ANXA2: variants seen among roughly 807,000 people sequenced by gnomAD.
ANXA2 encodes the protein annexin A2.
Under a neutral mutation model 47.3 loss-of-function variants are expected in ANXA2, and 28 were observed. That is an observed-to-expected ratio of 0.59 (90% CI 0.44 to 0.81). The LOEUF is 0.81. ANXA2 is among the 40% of genes least tolerant of loss of function. ANXA2 has a pLI of 0.00. For synonymous variants in ANXA2, 172 were observed against 155.5 expected (o/e 1.11, Z -0.79); for missense variants, 384 against 414.3 (o/e 0.93, Z 0.64).
intron 12 of ANXA2, among the ~76,000 whole-genome samples, chr15:60,348,172 C>T (rs924538550): frequency 1.2e-4 from 19 of 152,118 alleles, no homozygotes; most frequent in Non-Finnish European, 2.6e-4. Flanking sequence ...TAAACATGTG[C>T]CCTAATAAAC....
intron 3 of ANXA2, among the ~76,000 whole-genome samples, chr15:60,378,538 T>TA (rs1176324112): frequency 6.6e-6 from 1 of 152,216 alleles, no homozygotes; most frequent in Non-Finnish European, 1.5e-5. Flanking sequence ...ACTGAGCTCT[T>TA]ACGAATATCA....
chr15:60,393,111 T>TC lies in ANXA2; in HGVS notation c.-12+4831dup, dbSNP rs1328107346. ...TGACTGAGTCACAGGGCCAACTCAT[T>TC]CCCCAGAATTCCTGGAATTCGGCCC... On this transcript the variant is annotated intron_variant, in intron 1 of 12. Coordinates refer to ENST00000451270, the MANE Select transcript of ANXA2 (RefSeq NM_004039.3). 2.3e-5 allele frequency: 30 copies of TC among 1,285,708 alleles called. No individual in the cohort carries two copies. The Middle Eastern group carries it at 6.4e-4, about 27-fold the overall frequency. The allele number at this position is 1,285,708 out of a possible 1,614,324, so 79.6% of individuals were successfully genotyped here.
intron 4 of ANXA2, 49 bp downstream of exon 4, chr15:60,364,380 A>T: frequency 6.7e-7 from 1 of 1,488,164 alleles, no homozygotes; most frequent in Non-Finnish European, 9.3e-7. Context: ...ATGTCTGAGG[A>T]AACAAAAATT....
intron 1 of ANXA2, among the ~76,000 whole-genome samples, chr15:60,397,076 TCTC>T (rs1225427485): frequency 1.3e-5 from 2 of 152,096 alleles, no homozygotes; most frequent in African/African-American, 4.8e-5. Flanking sequence ...CCCTCCTTCT[TCTC>T]AACAGCCGGC....
chr15:60,357,290 C>G, intron 5 of ANXA2, 54 bp from the exon 6 acceptor site: 2 of 1,449,402 alleles, frequency 1.4e-6, no homozygotes, highest in Non-Finnish European at 1.9e-6. Flanking sequence ...CACCATTAGC[C>G]TACTTCTCTG....
intron 5 of ANXA2, 25 bp downstream of exon 5, chr15:60,360,916 G>A (rs1002907204): frequency 2.2e-6 from 3 of 1,393,480 alleles, no homozygotes; most frequent in Admixed American, 1.7e-5. Context: ...AGATTTGACA[G>A]AGATGACATC....
At chr15:60,385,824 G>C (rs928394259) in intron 2 of ANXA2, 7 of 505,436 alleles carry the variant, frequency 1.4e-5, no homozygotes, top group South Asian at 1.0e-4. Context: ...TTAATGTGAG[G>C]CCAAGAAAAG....
intron 1 of ANXA2, among the ~76,000 whole-genome samples, chr15:60,397,685 C>A (rs1398672556): frequency 6.6e-6 from 1 of 151,480 alleles, no homozygotes; most frequent in Non-Finnish European, 1.5e-5. Flanking sequence ...CTTAGAGAAG[C>A]CCGACCCCCC....
At chr15:60,362,731 TGA>T (rs2062534050) in intron 4 of ANXA2, 2 of 152,312 alleles carry the variant, frequency 1.3e-5, no homozygotes, top group South Asian at 4.1e-4. Flanking sequence ...GGCCTAAGGC[TGA>T]GAGTCAAGAA....
At chr15:60,370,365 A>G (rs756647697) in intron 3 of ANXA2, among the ~76,000 whole-genome samples, 16 of 152,202 alleles carry the variant, frequency 1.1e-4, no homozygotes, top group Non-Finnish European at 1.9e-4. Flanking sequence ...TGAACTGGAA[A>G]GAGGAAAAAA....
At chr15:60,376,389 A>T (rs2062779296) in intron 3 of ANXA2, among the ~76,000 whole-genome samples, 1 of 152,126 alleles carries the variant, frequency 6.6e-6, no homozygotes, top group Non-Finnish European at 1.5e-5. Flanking sequence ...TCAAAAAAAA[A>T]AAAAGAAGAC....
intron 1 of ANXA2, chr15:60,392,902 C>T: frequency 1.2e-6 from 1 of 805,390 alleles, no homozygotes; most frequent in Non-Finnish European, 1.6e-6. Context: ...TGTACACAGT[C>T]CTGGACACAC....
intron 2 of ANXA2, 36 bp from the exon 3 acceptor site, chr15:60,382,477 CA>C: frequency 7.2e-7 from 1 of 1,395,792 alleles, no homozygotes; most frequent in Non-Finnish European, 1.0e-6. Context: ...AAATGACACA[CA>C]TTTAAAATCC....
intron 2 of ANXA2, 101 bp downstream of exon 2, chr15:60,385,927 G>T: frequency 1.4e-6 from 1 of 719,160 alleles, no homozygotes; most frequent in Non-Finnish European, 2.3e-6. Flanking sequence ...TGTCTGAATT[G>T]TCCCCATCTT....
chr15:60,347,802 G>T, intron 12 of ANXA2, 113 bp from the exon 13 acceptor site: 1 of 931,102 alleles, frequency 1.1e-6, no homozygotes, highest in South Asian at 1.5e-5. Flanking sequence ...ACAAAGAGAA[G>T]ACTCTGCAGG....
At chr15:60,378,914 C>T (rs1171270846) in intron 3 of ANXA2, among the ~76,000 whole-genome samples, 2 of 151,878 alleles carry the variant, frequency 1.3e-5, no homozygotes, top group East Asian at 1.9e-4. Context: ...TGCAGTGAGC[C>T]GAGATTGTGC....
At chr15:60,361,119 AAAGT>A (rs2062506281) in intron 4 of ANXA2, 65 bp from the exon 5 acceptor site, 3 of 1,101,610 alleles carry the variant, frequency 2.7e-6, no homozygotes, top group Non-Finnish European at 2.8e-6. Flanking sequence ...GAGTAAAACA[AAAGT>A]AAGAGGGATC....
chr15:60,357,793 CAAA>C (rs924530763), intron 5 of ANXA2, among the ~76,000 whole-genome samples: 2 of 122,870 alleles, frequency 1.6e-5, no homozygotes, highest in Non-Finnish European at 1.7e-5. Context: ...GACCCCATCT[CAAA>C]AAAAAAAAAA....
rs928390694 is a variant in ANXA2 at position 60,347,305 on chromosome 15, G to T, written c.*325C>A. The T allele has an allele frequency of 5.6e-6, 2 of 359,204 alleles. No individual in the cohort carries two copies. The highest frequency in any genetic ancestry group is 1.0e-5 in the Non-Finnish European group (2 of 195,516). The allele number at this position is 359,204 out of a possible 1,614,324, so 22.3% of individuals were successfully genotyped here. A position where few individuals can be genotyped will look rare whatever the true frequency, so the allele number is the denominator to read the frequency against. On this transcript the variant is annotated 3_prime_UTR_variant, in exon 13 of 13. Coordinates refer to ENST00000451270, the MANE Select transcript of ANXA2 (RefSeq NM_004039.3). ...GCACGTTTAATTTTCAAACAATTCA[G>T]TTGAAAGCAGGGCCACAAAGTACGT... is the stretch of plus-strand genomic sequence containing the variant.
Sources: gnomAD v4.1 joint callset for allele counts (sites outside exome capture counted in the v4.1 genomes callset) on GRCh38, gnomAD v4.1.1 for gene constraint, MANE v1.5 for transcripts, NCBI Gene and HGNC (gene_info 2026-07-23, HGNC 2026-07-21) for gene names.